The following PPFIA1 variants were observed in gnomAD, a reference collection of about 807,000 sequenced individuals.
The protein encoded by PPFIA1 is PPFI scaffold protein A1, also known as liprin-alpha-1.
PPFIA1 carries 25 observed loss-of-function variants against 149.9 expected under a neutral mutation model. That is an observed-to-expected ratio of 0.17 (90% CI 0.12 to 0.23). The LOEUF (loss-of-function observed/expected upper bound fraction) is 0.23, where lower values mean the gene tolerates loss of function less well. Among genes scored for constraint, PPFIA1 ranks in the 10% least tolerant of loss-of-function variants. PPFIA1 has a pLI of 1.00. For synonymous variants in PPFIA1, 549 were observed against 552.8 expected, an observed-to-expected ratio of 0.99 and a Z score of 0.10; for missense variants, 1,362 against 1,506.5, an observed-to-expected ratio of 0.90 and a Z score of 1.59.
At chr11:70,292,906 A>G (rs909694281) in intron 2 of PPFIA1, among the ~76,000 whole-genome samples, 15 of 152,188 alleles carry the variant, frequency 9.9e-5, no homozygotes, top group African/African-American at 3.4e-4. Flanking sequence ...GCACACACTT[A>G]TGGTTCTTTA....
intron 2 of PPFIA1, among the ~76,000 whole-genome samples, chr11:70,284,463 A>G (rs1378622533): frequency 2.6e-5 from 4 of 151,766 alleles, no homozygotes; most frequent in Admixed American, 1.3e-4. Flanking sequence ...CCCTGTGTGA[A>G]TATTACCGTT....
At position 70,375,081 on chromosome 11, in the gene PPFIA1, G is replaced by A. The variant is rs767431245; in HGVS notation, c.3303G>A (p.Thr1101=). The A allele has an allele frequency of 5.0e-6, 8 of 1,608,662 alleles. No individual in the cohort carries two copies. The highest frequency in any genetic ancestry group is 2.2e-5 in the East Asian group (1 of 44,628). The part of the protein sequence containing the change: ...SALALLLQIP[T]QNTQARAVLE... ...TGGCACTGCTGTTACAGATCCCGAC[G>A]CAGAACACACAGGTGACGCCAAACC... The change falls in exon 24 of 28, where the codon ACG becomes ACA. Residue 1101 remains threonine, a synonymous_variant. Transcript: ENST00000253925.
chr11:70,280,255 T>C (rs929672455), intron 2 of PPFIA1, among the ~76,000 whole-genome samples: 1 of 143,488 alleles, frequency 7.0e-6, no homozygotes, highest in Non-Finnish European at 1.5e-5. Context: ...TATATAAATA[T>C]ATATGTATAT....
At chr11:70,308,489 G>A (rs747846799) in intron 2 of PPFIA1, among the ~76,000 whole-genome samples, 1 of 152,124 alleles carries the variant, frequency 6.6e-6, no homozygotes, top group Non-Finnish European at 1.5e-5. Context: ...ATTCCTGTAA[G>A]CATGATCAAT....
chr11:70,279,373 A>C (rs10160216), intron 2 of PPFIA1: 6,789 of 187,386 alleles, frequency 0.036, 530 homozygotes, highest in African/African-American at 0.15. Flanking sequence ...CTCACCATCT[A>C]CTCATTCCTC....
At chr11:70,326,971 T>G in intron 7 of PPFIA1, 153 bp downstream of exon 7, 1 of 687,012 alleles carries the variant, frequency 1.5e-6, no homozygotes, top group Non-Finnish European at 2.4e-6. Context: ...GAGAGAGTGC[T>G]GTGAAACTGC....
Position 70,286,314 on chromosome 11 carries a change from C to T in PPFIA1, c.264+13878C>T, listed in dbSNP as rs1401372713. Among the ~76,000 whole-genome samples, 6 of 152,306 alleles carry T rather than the reference C, an allele frequency of 3.9e-5. 1 individual carries two copies. Among genetic ancestry groups the T allele is most frequent in the Admixed American group, 3.9e-4 (6 of 15,288 alleles). On this transcript the variant is annotated intron_variant, in intron 2 of 27. Coordinates refer to ENST00000253925, the MANE Select transcript of PPFIA1 (RefSeq NM_003626.5). ...TTGCCCAGGCTGGAGTACAAGGGCA[C>T]AATCTCAGCTCGCTGCAATCTCTGC...
At chr11:70,362,613 A>T in intron 21 of PPFIA1, 125 bp downstream of exon 21, 1 of 975,302 alleles carries the variant, frequency 1.0e-6, no homozygotes, top group Admixed American at 3.4e-5. Flanking sequence ...CTAATTCAAA[A>T]TTTTAGCATC....
At chr11:70,279,904 G>GTTTGTGTGTGTGTGTGTGTGTGTGTGT (rs1565335096) in intron 2 of PPFIA1, among the ~76,000 whole-genome samples, 1 of 98,612 alleles carries the variant, frequency 1.0e-5, no homozygotes, top group African/African-American at 7.5e-5. Context: ...GTGTGTGGGG[G>GTTTGTGTGTGTGTGTGTGTGTGTGTGT]ATGTGTGTGT....
intron 15 of PPFIA1, 47 bp from the exon 16 acceptor site, chr11:70,348,142 A>G (rs1012817283): frequency 6.4e-7 from 1 of 1,551,390 alleles, no homozygotes; most frequent in African/African-American, 1.4e-5. Flanking sequence ...AAACACATTA[A>G]TCTGTTTGCC....
intron 7 of PPFIA1, chr11:70,327,093 C>T (rs1392922665): frequency 1.3e-5 from 5 of 392,782 alleles, no homozygotes; most frequent in Non-Finnish European, 2.3e-5. Context: ...ACACTGGCCT[C>T]TCCTACCTGT....
In PPFIA1 at chr11:70,332,381, CATAGG is replaced by C. The variant is rs1252875030; in HGVS notation, c.1212+292_1212+296del. 3.3e-5 allele frequency among the ~76,000 whole-genome samples: 5 copies of C among 152,206 alleles called. 1 individual carries two copies. In the South Asian group the frequency reaches 8.3e-4, roughly 25 times the overall value. ...GAATTGTTTTGGTCACCAGCTTAAG[CATAGG>C]ATAGAAGTCTCTGTAAAAGAAGGGT... On this transcript the variant is annotated intron_variant, in intron 9 of 27. Transcript: ENST00000253925.
At chr11:70,284,021 C>T (rs1345929871) in intron 2 of PPFIA1, 11 of 529,878 alleles carry the variant, frequency 2.1e-5, no homozygotes, top group African/African-American at 5.8e-5. Context: ...CTTTTAATGG[C>T]AAAAACCGCA....
intron 3 of PPFIA1, 42 bp downstream of exon 3, chr11:70,324,545 C>T (rs567522355): frequency 3.3e-6 from 5 of 1,493,680 alleles, no homozygotes; most frequent in African/African-American, 2.8e-5. Context: ...CCTGGAGCCA[C>T]TGTCAGGAGG....
chr11:70,372,693 ACTAGT>A (rs1264688388), intron 23 of PPFIA1, 119 bp downstream of exon 23: 35 of 751,254 alleles, frequency 4.7e-5, no homozygotes, highest in Non-Finnish European at 6.5e-5. Context: ...GAGAAAACTA[ACTAGT>A]CTAGTGTCAT....
Position 70,330,305 on chromosome 11 carries a change from T to A in PPFIA1, c.1063T>A (p.Ser355Thr), listed in dbSNP as rs1312720685. Reference sequence around the variant, plus strand: ...TGAAAATGAAATTGCAAATAAAGATTCTATGCATCGACAGGTAATGGATTT... The same window carrying A: ...TGAAAATGAAATTGCAAATAAAGATACTATGCATCGACAGGTAATGGATTT... ...KLENEIANKD[S>T]MHRQTEDKNR... Residue 355 changes from serine to threonine, a missense_variant, in exon 8 of 28, where the codon TCT becomes ACT. Ser to Thr is a moderately conservative substitution (Grantham distance 58). Around this residue, in one of 7 missense-constraint regions of PPFIA1, gnomAD observed 733 missense variants for 744.1 expected, o/e 0.99. Transcript: ENST00000253925. The A allele has an allele frequency of 6.3e-7, 1 of 1,585,674 alleles. No homozygotes were observed. The highest frequency in any genetic ancestry group is 8.5e-7 in the Non-Finnish European group (1 of 1,169,768).
chr11:70,335,307 G>T (rs551811031), intron 10 of PPFIA1, among the ~76,000 whole-genome samples: 1 of 152,298 alleles, frequency 6.6e-6, no homozygotes, highest in East Asian at 1.9e-4. Flanking sequence ...TTAACAACTA[G>T]TGACATTCCT....
At chr11:70,279,723 GT>G (rs1372269257) in intron 2 of PPFIA1, among the ~76,000 whole-genome samples, 5 of 38,000 alleles carry the variant, frequency 1.3e-4, no homozygotes, top group African/African-American at 1.0e-3. Context: ...ATGTGTCTAG[GT>G]GTGTGTGTGT....
rs749835491 is a variant in PPFIA1 at position 70,354,331 on chromosome 11, G to A, written c.2194G>A (p.Asp732Asn). 6.2e-7 allele frequency: 1 copy of A among 1,614,024 alleles called. No individual in the cohort carries two copies. Among genetic ancestry groups the A allele is most frequent in the African/African-American group, 1.3e-5 (1 of 75,020 alleles). The change falls in exon 17 of 28, where the codon GAC becomes AAC. Residue 732 changes from aspartate (D) to asparagine (N), a missense_variant. Physicochemically the swap from Asp to Asn is conservative, Grantham distance 23. Coordinates refer to ENST00000253925, the MANE Select transcript of PPFIA1 (RefSeq NM_003626.5). ...ACCTTCCAGAGAAGAGGTACGAGAT[G>A]ACAAGACAACCATAAAGTGTGAAAC... ...LPPSREEVRD[D>N]KTTIKCETSP...
Sources: gnomAD v4.1 joint callset for allele counts (sites outside exome capture counted in the v4.1 genomes callset) on GRCh38, gnomAD v4.1.1 for gene constraint, gnomAD v4.1.1 regional missense constraint, MANE v1.5 for transcripts, NCBI Gene and HGNC (gene_info 2026-07-23, HGNC 2026-07-21) for gene names.